Variants in CFAP20DC observed in about 807,000 individuals in gnomAD.
CFAP20DC encodes CFAP20 domain containing, also known as protein CFAP20DC.
In CFAP20DC, 84 loss-of-function variants were observed where a neutral mutation model predicts 101.7. That is an observed-to-expected ratio of 0.83 (90% confidence interval 0.69 to 0.99). The LOEUF (loss-of-function observed/expected upper bound fraction) is 0.99. CFAP20DC is among the 50% of genes least tolerant of loss of function. CFAP20DC has a pLI of 0.00. For missense variants in CFAP20DC, 1,007 were observed against 970.3 expected, an observed-to-expected ratio of 1.04 and a Z score of -0.50; for synonymous variants, 359 against 351.2, an observed-to-expected ratio of 1.02 and a Z score of -0.25.
chr3:58,917,684 C>T (rs1165772094), intron 5 of CFAP20DC, among the ~76,000 whole-genome samples: 2 of 152,076 alleles, frequency 1.3e-5, no homozygotes, highest in Non-Finnish European at 2.9e-5. Context: ...CTTACAATGA[C>T]CTTATTCATC....
chr3:59,038,813 C>T (rs1438159977), intron 4 of CFAP20DC, among the ~76,000 whole-genome samples: 1 of 152,032 alleles, frequency 6.6e-6, no homozygotes, highest in Non-Finnish European at 1.5e-5. Flanking sequence ...ATAGAATCAT[C>T]TTCCTTAATA....
intron 13 of CFAP20DC, among the ~76,000 whole-genome samples, chr3:58,834,490 T>G (rs74605872): frequency 6.6e-6 from 1 of 152,322 alleles, no homozygotes; most frequent in African/African-American, 2.4e-5. Context: ...TCAATTTACT[T>G]ATTTAATCCA....
chr3:58,883,163 C>A (rs1469713295), intron 7 of CFAP20DC, among the ~76,000 whole-genome samples: 2 of 152,170 alleles, frequency 1.3e-5, no homozygotes, highest in East Asian at 3.8e-4. Context: ...CTCTCATCCC[C>A]ATCTATTACC....
At position 58,864,039 on chromosome 3, in the gene CFAP20DC, C is replaced by T. The variant is rs1576006670; in HGVS notation, c.1259-147G>A. The T allele has an allele frequency of 4.1e-6, 3 of 726,470 alleles. No individual in the cohort carries two copies. In the African/African-American group the frequency reaches 5.4e-5, roughly 13 times the overall value. 45.0% of individuals were successfully genotyped at this position (726,470 alleles called of 1,614,324 possible). A position where few individuals can be genotyped will look rare whatever the true frequency, so the allele number is the denominator to read the frequency against. On this transcript the variant is annotated intron_variant, in intron 11 of 16. Coordinates refer to ENST00000482387, the MANE Select transcript of CFAP20DC (RefSeq NM_001394063.1). This position sits in a 1 kb window ranked among gnomAD's most constrained non-coding sequence, Gnocchi z 4.7. Reference sequence around the variant, plus strand: ...GTCACGCGATCTCGGCTCACTGCAACCTCCGCCTCCCAACCTTCAAGTGAT... The same window carrying T: ...GTCACGCGATCTCGGCTCACTGCAATCTCCGCCTCCCAACCTTCAAGTGAT...
chr3:59,006,089 T>C lies in CFAP20DC; in HGVS notation c.278+33468A>G, dbSNP rs1478235680. ...TATATGTGTTTTTATAAATATGTAA[T>C]ATACTGTGTATATGTATATATACAC... On this transcript the variant is annotated intron_variant, in intron 4 of 16. Coordinates refer to ENST00000482387, the MANE Select transcript of CFAP20DC (RefSeq NM_001394063.1). This position sits in a 1 kb window ranked among gnomAD's most constrained non-coding sequence, Gnocchi z 4.3. Among the ~76,000 whole-genome samples, 2 of 152,120 alleles carry C rather than the reference T, an allele frequency of 1.3e-5. No homozygotes were observed. Among genetic ancestry groups the C allele is most frequent in the East Asian group, 3.9e-4 (2 of 5,194 alleles).
intron 13 of CFAP20DC, among the ~76,000 whole-genome samples, chr3:58,843,449 G>A (rs1326267251): frequency 6.6e-6 from 1 of 151,618 alleles, no homozygotes; most frequent in Non-Finnish European, 1.5e-5. Flanking sequence ...GAAGCGAGAA[G>A]GGAAGTTTAG....
At chr3:59,017,588 A>T (rs530211700) in intron 4 of CFAP20DC, 2 of 152,098 alleles carry the variant, frequency 1.3e-5, no homozygotes, top group Admixed American at 1.3e-4. Flanking sequence ...AAAACAAAAA[A>T]CCCTACATCC....
chr3:58,787,344 TGGGGGGA>T lies in CFAP20DC; in HGVS notation c.2237+19044_2237+19050del, dbSNP rs1391626395. On this transcript the variant is annotated intron_variant, in intron 15 of 16. Coordinates refer to ENST00000482387, the MANE Select transcript of CFAP20DC (RefSeq NM_001394063.1). ...TCACACTCTGGGGACTGTTGTGGGG[TGGGGGGA>T]GGGGGGAGGGATAGCATTGGGAGAT... 7.0e-3 allele frequency among the ~76,000 whole-genome samples: 322 copies of T among 46,150 alleles called. 4 individuals carry two copies. The highest frequency in any genetic ancestry group is 0.028 in the African/African-American group (298 of 10,824). 30.3% of individuals were successfully genotyped at this position (46,150 alleles called of 152,430 possible). A position where few individuals can be genotyped will look rare whatever the true frequency, so the allele number is the denominator to read the frequency against.
intron 15 of CFAP20DC, among the ~76,000 whole-genome samples, chr3:58,798,082 G>A (rs779809072): frequency 1.1e-4 from 17 of 151,958 alleles, no homozygotes; most frequent in South Asian, 2.1e-4. Context: ...CAGCTAACAC[G>A]ACATCTATTC....
intron 5 of CFAP20DC, among the ~76,000 whole-genome samples, chr3:58,925,803 A>C (rs1027938453): frequency 1.3e-5 from 2 of 152,226 alleles, no homozygotes; most frequent in Non-Finnish European, 2.9e-5. Context: ...AAGTGACAGA[A>C]CCAGAATCTG....
At chr3:58,808,423 G>A (rs1373162964) in intron 14 of CFAP20DC, among the ~76,000 whole-genome samples, 1 of 152,210 alleles carries the variant, frequency 6.6e-6, no homozygotes, top group African/African-American at 2.4e-5. Context: ...CATTCTTAAA[G>A]AAAAGAATTT....
chr3:58,920,545 T>A (rs559017935), intron 5 of CFAP20DC, among the ~76,000 whole-genome samples: 2 of 152,338 alleles, frequency 1.3e-5, no homozygotes, highest in South Asian at 4.1e-4. Context: ...ATATTTATCA[T>A]AAAGTGCTCA....
intron 15 of CFAP20DC, among the ~76,000 whole-genome samples, chr3:58,777,495 T>C (rs1236241830): frequency 6.6e-6 from 1 of 152,162 alleles, no homozygotes; most frequent in African/African-American, 2.4e-5. Context: ...TATAAATGTG[T>C]GACTTGTAAC....
At chr3:58,977,617 C>A (rs1445904534) in intron 4 of CFAP20DC, among the ~76,000 whole-genome samples, 1 of 151,660 alleles carries the variant, frequency 6.6e-6, no homozygotes, top group Non-Finnish European at 1.5e-5. Context: ...TTAATACTTA[C>A]TGAGGGTTTA....
At chr3:58,781,476 T>TA (rs1252826718) in intron 15 of CFAP20DC, among the ~76,000 whole-genome samples, 4 of 151,782 alleles carry the variant, frequency 2.6e-5, no homozygotes, top group Non-Finnish European at 4.4e-5. Context: ...AACTGGATGC[T>TA]AAAAAATAAT....
At chr3:58,837,992 A>G (rs897722727) in intron 13 of CFAP20DC, among the ~76,000 whole-genome samples, 1 of 152,130 alleles carries the variant, frequency 6.6e-6, no homozygotes, top group African/African-American at 2.4e-5. Context: ...CTTGTTTCAG[A>G]TTCTCAAGCT....
At chr3:58,815,528 A>C (rs1157709126) in intron 14 of CFAP20DC, among the ~76,000 whole-genome samples, 1 of 150,992 alleles carries the variant, frequency 6.6e-6, no homozygotes, top group Non-Finnish European at 1.5e-5. Flanking sequence ...TAAACTAAAG[A>C]CCTTCTGCAC....
intron 15 of CFAP20DC, among the ~76,000 whole-genome samples, chr3:58,805,810 A>G (rs1395077247): frequency 6.6e-6 from 1 of 152,230 alleles, no homozygotes; most frequent in African/African-American, 2.4e-5. Context: ...ATGAACCAAA[A>G]ATAATGAGGT....
chr3:58,962,789 T>C (rs2091246927), intron 4 of CFAP20DC, among the ~76,000 whole-genome samples: 1 of 152,142 alleles, frequency 6.6e-6, no homozygotes, highest in South Asian at 2.1e-4. Context: ...ACCAGAAATG[T>C]GTTGATAGCA....
Sources: allele counts gnomAD v4.1 joint callset (sites outside exome capture counted in the v4.1 genomes callset), GRCh38; gene constraint gnomAD v4.1.1; non-coding constraint Gnocchi (gnomAD v3.1); transcripts MANE v1.5; gene names NCBI Gene and HGNC (gene_info 2026-07-23, HGNC 2026-07-21).